Variants in ALG12 observed in about 807,000 individuals in gnomAD.
ALG12 encodes the protein ALG12 alpha-1,6-mannosyltransferase, also known as dol-P-Man:Man(7)GlcNAc(2)-PP-Dol alpha-1,6-mannosyltransferase.
In ALG12, 36 loss-of-function variants were observed where a neutral mutation model predicts 46.0. The ratio of observed to expected loss-of-function variants is 0.78; its 90% CI spans 0.60 to 1.03. The LOEUF (loss-of-function observed/expected upper bound fraction) is 1.03. ALG12 is among the 50% of genes least tolerant of loss of function. The pLI, the probability that ALG12 is intolerant of heterozygous loss-of-function variation, is 0.00. For synonymous variants in ALG12, 326 were observed against 291.6 expected (o/e 1.12, Z -1.20); for missense variants, 599 against 633.5 (o/e 0.95, Z 0.58).
chr22:49,888,119 C>G, the ALG12 span: 1 of 167,078 alleles, frequency 6.0e-6, no homozygotes, highest in African/African-American at 2.4e-5. Context: ...GTAAGAATAG[C>G]CTTAGTGTTT....
In ALG12 at chr22:49,907,948, C is replaced by T. The variant is rs766491225; in HGVS notation, c.769-4G>A. On this transcript the variant is annotated splice_region_variant and splice_polypyrimidine_tract_variant and intron_variant, in intron 6 of 9. Coordinates refer to ENST00000330817, the MANE Select transcript of ALG12 (RefSeq NM_024105.4). ...AGTACCACAGCAGCGGGGAGGTCTG[C>T]GGGCTGGGTTAAGGAGGCCACGCAC... The T allele has an allele frequency of 1.7e-5, 28 of 1,611,332 alleles. No individual in the cohort carries two copies. Among genetic ancestry groups the T allele is most frequent in the Admixed American group, 3.3e-5 (2 of 59,980 alleles).
rs1184034376 is a variant in ALG12 at position 49,910,067 on chromosome 22, C to G, written c.491G>C (p.Trp164Ser). 1 of 1,611,000 alleles carries G rather than the reference C, an allele frequency of 6.2e-7. No individual in the cohort carries two copies. ...GAAGCGGGCCCACTCGTGCCGCAGC[C>G]AGGCCGCGAGGGCCAGCAGGACTGC... is the stretch of plus-strand genomic sequence containing the variant. Reference protein sequence around the residue: ...LPVVLLALAAWLRHEWARFIW... With the variant: ...LPVVLLALAASLRHEWARFIW... The change falls in exon 5 of 10, where the codon TGG becomes TCG. Residue 164 changes from tryptophan (W) to serine (S), a missense_variant. Coordinates refer to ENST00000330817, the MANE Select transcript of ALG12 (RefSeq NM_024105.4).
At position 49,913,785 on chromosome 22, in the gene ALG12, G is replaced by A. The variant is rs751084579; in HGVS notation, c.-20C>T. The A allele has an allele frequency of 6.6e-5, 107 of 1,612,120 alleles. No homozygotes were observed. Among genetic ancestry groups the A allele is most frequent in the African/African-American group, 1.5e-4 (11 of 74,896 alleles). On this transcript the variant is annotated 5_prime_UTR_variant, in exon 2 of 10. The change creates a new upstream start codon in the 5' untranslated region. Transcript: ENST00000330817. ...AGCCATTCCAGGCTTTCAGCTTCAC[G>A]TACCTTCACAGGCCAACAGTGCGAG...
chr22:49,913,444 C>A lies in ALG12; in HGVS notation c.236G>T (p.Ser79Ile). The change falls in exon 3 of 10, where the codon AGC becomes ATC. Residue 79 changes from serine (S) to isoleucine (I), a missense_variant. By Grantham distance (142) the Ser-to-Ile change is moderately radical. Coordinates refer to ENST00000330817, the MANE Select transcript of ALG12 (RefSeq NM_024105.4). The stretch of plus-strand genomic sequence containing the variant: ...CAGCGAAAGCACGTAAACCGCGGGG[C>A]TGGAGAACACTGCGATCACCACTGG... ...LGPVVIAVFS[S>I]PAVYVLSLLE... is the part of the protein sequence containing the mutation. 13 of 1,614,016 alleles carry A rather than the reference C, an allele frequency of 8.1e-6. No homozygotes were observed. Among genetic ancestry groups the A allele is most frequent in the Non-Finnish European group, 1.1e-5 (13 of 1,180,048 alleles).
the ALG12 span, among the ~76,000 whole-genome samples, chr22:49,869,682 T>C: frequency 2.6e-5 from 4 of 152,196 alleles, no homozygotes; most frequent in African/African-American, 9.7e-5. Context: ...TAATCTGATA[T>C]ACGTAAAAGT....
the ALG12 span, among the ~76,000 whole-genome samples, chr22:49,863,603 G>A: frequency 6.6e-6 from 1 of 151,350 alleles, no homozygotes; most frequent in Non-Finnish European, 1.5e-5. Context: ...CTCCAGCCTG[G>A]GGACAGAGCG....
the ALG12 span, among the ~76,000 whole-genome samples, chr22:49,866,933 C>T: frequency 6.6e-6 from 1 of 152,174 alleles, no homozygotes; most frequent in Non-Finnish European, 1.5e-5. Context: ...CAGGAGGTCA[C>T]CTGCCTTCCT....
chr22:49,913,539 A>G (rs1198805270), intron 2 of ALG12, 22 bp from the exon 3 acceptor site: 2 of 1,613,960 alleles, frequency 1.2e-6, no homozygotes, highest in South Asian at 2.2e-5. Flanking sequence ...AGGGCAGGTC[A>G]GTGCACCGGG....
chr22:49,867,464 G>A, the ALG12 span, among the ~76,000 whole-genome samples: 22 of 152,230 alleles, frequency 1.4e-4, no homozygotes, highest in Admixed American at 9.8e-4. Context: ...CTGACTTTCT[G>A]TCTAGTTCTG....
At chr22:49,879,983 G>T in the ALG12 span, among the ~76,000 whole-genome samples, 10 of 150,954 alleles carry the variant, frequency 6.6e-5, no homozygotes, top group African/African-American at 2.4e-4. Context: ...GTTTTCTCCC[G>T]CTTCATCGCA....
At chr22:49,886,435 G>A in the ALG12 span, 15 of 1,583,708 alleles carry the variant, frequency 9.5e-6, no homozygotes, top group African/African-American at 1.3e-5. The surrounding 1 kb of genome is among the most constrained non-coding windows in gnomAD (Gnocchi z 7.7). Flanking sequence ...GATCAGCTGC[G>A]ACCAGTGGGA....
At chr22:49,898,221 A>G (rs8138687), downstream of ALG12, among the ~76,000 whole-genome samples, 53,979 of 150,728 alleles carry the variant, frequency 0.36, 13,704 homozygotes, top group African/African-American at 0.73. Flanking sequence ...CACCCAGGCT[A>G]ATTTTAGAAC....
chr22:49,859,917 C>T, the ALG12 span, among the ~76,000 whole-genome samples: 1 of 150,012 alleles, frequency 6.7e-6, no homozygotes, highest in Non-Finnish European at 1.5e-5. Context: ...GTTCCAGCTA[C>T]TCAGGAGGCT....
the ALG12 span, among the ~76,000 whole-genome samples, chr22:49,876,897 T>G: frequency 6.6e-6 from 1 of 152,260 alleles, no homozygotes; most frequent in Non-Finnish European, 1.5e-5. Flanking sequence ...ACACGTGGTG[T>G]TAACATCGTT....
At chr22:49,884,838 GCTGA>G in the ALG12 span, 1 of 1,610,502 alleles carries the variant, frequency 6.2e-7, no homozygotes, top group East Asian at 2.2e-5. Context: ...CCCCTGACAG[GCTGA>G]CTGAGGACTT....
the ALG12 span, chr22:49,886,403 T>A: frequency 6.2e-7 from 1 of 1,605,876 alleles, no homozygotes; most frequent in Non-Finnish European, 8.5e-7. This position sits in a 1 kb window ranked among gnomAD's most constrained non-coding sequence, Gnocchi z 7.7. Flanking sequence ...GAGATGTCCG[T>A]CGAGTGTAAC....
chr22:49,892,357 CAG>C, the ALG12 span, among the ~76,000 whole-genome samples: 1 of 152,146 alleles, frequency 6.6e-6, no homozygotes, highest in Non-Finnish European at 1.5e-5. Context: ...TAAGGCCTGA[CAG>C]AAGGTGGCAA....
the ALG12 span, chr22:49,884,383 G>A: frequency 5.2e-4 from 844 of 1,612,626 alleles, no homozygotes; most frequent in Non-Finnish European, 6.6e-4. Flanking sequence ...TGACATGTCC[G>A]TTTCGGAGAA....
rs1330752927 is a variant in ALG12 at position 49,902,674 on chromosome 22, G to A, written c.*1164C>T. On this transcript the variant is annotated 3_prime_UTR_variant, in exon 10 of 10. Transcript: ENST00000330817. Reference sequence around the variant, plus strand: ...TGTGTGGTGTGTATGCATGGTGTGTGCACGTGTGCACTGTGTATGCATAGT... The same window carrying A: ...TGTGTGGTGTGTATGCATGGTGTGTACACGTGTGCACTGTGTATGCATAGT... The A allele has an allele frequency of 6.4e-5, 9 of 141,408 alleles. No individual in the cohort carries two copies. Among genetic ancestry groups the A allele is most frequent in the Admixed American group, 1.4e-4 (2 of 14,802 alleles). 8.8% of individuals were successfully genotyped at this position (141,408 alleles called of 1,614,324 possible). A position where few individuals can be genotyped will look rare whatever the true frequency, so the allele number is the denominator to read the frequency against.
Sources: allele counts gnomAD v4.1 joint callset (sites outside exome capture counted in the v4.1 genomes callset), GRCh38; gene constraint gnomAD v4.1.1; non-coding constraint Gnocchi (gnomAD v3.1); transcripts MANE v1.5; gene names NCBI Gene and HGNC (gene_info 2026-07-23, HGNC 2026-07-21).